Variants in LMBRD1 observed in about 807,000 individuals in gnomAD.
LMBRD1 encodes the protein lysosomal cobalamin transport escort protein LMBD1.
Under a neutral mutation model 74.8 loss-of-function variants are expected in LMBRD1, and 64 were observed. The ratio of observed to expected loss-of-function variants is 0.86; its 90% CI spans 0.70 to 1.05. The LOEUF (loss-of-function observed/expected upper bound fraction) is 1.05. Ranked by LOEUF, LMBRD1 falls within the 50% of genes least tolerant of loss-of-function variation. The pLI is 0.00. For missense variants in LMBRD1, 652 were observed against 645.9 expected, an observed-to-expected ratio of 1.01 and a Z score of -0.10; for synonymous variants, 204 against 216.3, an observed-to-expected ratio of 0.94 and a Z score of 0.50.
intron 1 of LMBRD1, 62 bp from the exon 2 acceptor site, chr6:69,790,534 G>T (rs1766057689): frequency 6.6e-7 from 1 of 1,520,620 alleles, no homozygotes; most frequent in Non-Finnish European, 9.1e-7. Flanking sequence ...ATTTTTGTAT[G>T]TGTTTGAAAG....
intron 3 of LMBRD1, among the ~76,000 whole-genome samples, chr6:69,772,154 G>A (rs1253644851): frequency 6.6e-6 from 1 of 152,184 alleles, no homozygotes; most frequent in Non-Finnish European, 1.5e-5. Flanking sequence ...ATAGGATTGT[G>A]AAGTTCCAGA....
chr6:69,704,919 T>C (rs1211969692), intron 9 of LMBRD1, among the ~76,000 whole-genome samples: 1 of 150,454 alleles, frequency 6.6e-6, no homozygotes, highest in African/African-American at 2.4e-5. Flanking sequence ...TTTTTTTTTT[T>C]CCACTTTTAC....
chr6:69,759,505 T>G (rs959853138), intron 3 of LMBRD1, among the ~76,000 whole-genome samples: 3 of 152,030 alleles, frequency 2.0e-5, no homozygotes, highest in Non-Finnish European at 4.4e-5. Context: ...AATTTAGGTT[T>G]ATGCTAGGAA....
chr6:69,703,254 C>T (rs1218685707), intron 9 of LMBRD1, among the ~76,000 whole-genome samples: 1 of 151,776 alleles, frequency 6.6e-6, no homozygotes, highest in Non-Finnish European at 1.5e-5. Flanking sequence ...ATTCAGGCAT[C>T]TATATTTGGT....
intron 9 of LMBRD1, among the ~76,000 whole-genome samples, chr6:69,706,682 T>C (rs1212131827): frequency 2.0e-5 from 3 of 152,322 alleles, no homozygotes; most frequent in African/African-American, 7.2e-5. Context: ...AATGCTGTTA[T>C]TCTCCTATTA....
intron 9 of LMBRD1, among the ~76,000 whole-genome samples, chr6:69,704,300 T>G (rs1233129552): frequency 6.6e-6 from 1 of 152,116 alleles, no homozygotes; most frequent in Non-Finnish European, 1.5e-5. Flanking sequence ...TTTTTTTCTG[T>G]GGTATTTGTC....
chr6:69,709,173 G>A (rs1439206811), intron 9 of LMBRD1, among the ~76,000 whole-genome samples: 1 of 152,038 alleles, frequency 6.6e-6, no homozygotes, highest in Non-Finnish European at 1.5e-5. Context: ...GGCGGAGCTT[G>A]CGGTGAGCCG....
intron 14 of LMBRD1, among the ~76,000 whole-genome samples, chr6:69,677,217 G>A (rs978998733): frequency 1.3e-5 from 2 of 152,130 alleles, no homozygotes; most frequent in Non-Finnish European, 2.9e-5. Context: ...CAGACTGAGC[G>A]GGGAAAGCCA....
chr6:69,729,987 C>A (rs1369495562), intron 7 of LMBRD1, among the ~76,000 whole-genome samples: 2 of 151,520 alleles, frequency 1.3e-5, no homozygotes, highest in African/African-American at 4.8e-5. Flanking sequence ...AAAAGGCTAT[C>A]CTTTTCAGAA....
At chr6:69,705,434 G>A (rs1766231548) in intron 9 of LMBRD1, 2 of 1,296,916 alleles carry the variant, frequency 1.5e-6, no homozygotes, top group African/African-American at 1.5e-5. Context: ...TTGCTTTAAT[G>A]TCTTCTACAG....
At chr6:69,705,466 T>G in intron 9 of LMBRD1, 1 of 1,312,850 alleles carries the variant, frequency 7.6e-7, no homozygotes, top group Admixed American at 1.7e-5. Context: ...TTTGGTGTTT[T>G]AGGAGATTTT....
intron 3 of LMBRD1, among the ~76,000 whole-genome samples, chr6:69,779,991 C>A (rs1361407266): frequency 2.0e-5 from 3 of 152,298 alleles, no homozygotes; most frequent in Non-Finnish European, 4.4e-5. Flanking sequence ...CCTGGCAATA[C>A]CAGCACTCTT....
At chr6:69,709,153 G>C (rs1359238792) in intron 9 of LMBRD1, among the ~76,000 whole-genome samples, 1 of 151,910 alleles carries the variant, frequency 6.6e-6, no homozygotes, top group Admixed American at 6.6e-5. Flanking sequence ...AGAATCGCTT[G>C]AACCTGGGAG....
At chr6:69,782,640 C>T (rs1765862173) in intron 2 of LMBRD1, among the ~76,000 whole-genome samples, 4 of 151,746 alleles carry the variant, frequency 2.6e-5, no homozygotes, top group Admixed American at 2.0e-4. Context: ...AAGATCATGC[C>T]ACTACACTCT....
chr6:69,699,129 G>GA lies in LMBRD1; in HGVS notation c.1251dup (p.Leu418SerfsTer8), dbSNP rs867010959. ...TAGCTAGTGTGAAGGACAATAAGCA[G>GA]AAGTATCATGCAGAGAAAAAGGAGT... On this transcript the variant is annotated frameshift_variant, in exon 13 of 16. Transcript: ENST00000649934. LOFTEE classifies it high-confidence loss of function. 2 of 1,610,194 alleles carry GA rather than the reference G, an allele frequency of 1.2e-6. No homozygotes were observed. Among genetic ancestry groups the GA allele is most frequent in the African/African-American group, 2.7e-5 (2 of 74,786 alleles).
chr6:69,742,245 T>C (rs1767121379), intron 5 of LMBRD1, among the ~76,000 whole-genome samples: 1 of 152,094 alleles, frequency 6.6e-6, no homozygotes, highest in Non-Finnish European at 1.5e-5. Context: ...ATTAAATCAG[T>C]AAAGCAGAAT....
At position 69,676,281 on chromosome 6, in the gene LMBRD1, T is replaced by G; in HGVS notation, c.1510-10A>C. 6.2e-7 allele frequency: 1 copy of G among 1,611,118 alleles called. No homozygotes were observed. Among genetic ancestry groups the G allele is most frequent in the South Asian group, 1.1e-5 (1 of 90,914 alleles). On this transcript the variant is annotated splice_polypyrimidine_tract_variant and intron_variant, in intron 15 of 15. Coordinates refer to ENST00000649934, the MANE Select transcript of LMBRD1 (RefSeq NM_018368.4). The stretch of plus-strand genomic sequence containing the variant: ...ATCCAATCAAAAATACCTGTAAATT[T>G]AAATAAGCCATGTGTTATTTTTCAA...
At chr6:69,683,927 A>G (rs1765712146) in intron 14 of LMBRD1, among the ~76,000 whole-genome samples, 1 of 152,098 alleles carries the variant, frequency 6.6e-6, no homozygotes, top group African/African-American at 2.4e-5. Flanking sequence ...TATGAGGATC[A>G]AGAAGTCCCA....
Position 69,701,677 on chromosome 6 carries a change from T to G in LMBRD1, c.981-132A>C. On this transcript the variant is annotated intron_variant, in intron 10 of 15. Transcript: ENST00000649934. The stretch of plus-strand genomic sequence containing the variant: ...AATGGATAACAAATTAAACCTCACT[T>G]AAATATCTCACAGCTATTGTTCAAT... 3 of 684,756 alleles carry G rather than the reference T, an allele frequency of 4.4e-6. No homozygotes were observed. The South Asian group carries it at 5.4e-5, about 12-fold the overall frequency. The allele number at this position is 684,756 out of a possible 1,614,324, so 42.4% of individuals were successfully genotyped here.
Sources: allele counts gnomAD v4.1 joint callset (sites outside exome capture counted in the v4.1 genomes callset), GRCh38; gene constraint gnomAD v4.1.1; transcripts MANE v1.5; gene names NCBI Gene and HGNC (gene_info 2026-07-23, HGNC 2026-07-21).